Variants in HELZ observed in about 807,000 individuals in gnomAD.
HELZ encodes helicase with zinc finger, also known as ATP-dependent RNA helicase with zinc finger domain.
In HELZ, 23 loss-of-function variants were observed where a neutral mutation model predicts 218.2. The ratio of observed to expected loss-of-function variants is 0.11; its 90% CI spans 0.08 to 0.15. The LOEUF (loss-of-function observed/expected upper bound fraction) is 0.15, where lower values mean the gene tolerates loss of function less well. Ranked by LOEUF, HELZ falls within the 10% of genes least tolerant of loss-of-function variation. HELZ has a pLI of 1.00. For synonymous variants in HELZ, 814 were observed against 829.4 expected, an observed-to-expected ratio of 0.98 and a Z score of 0.32; for missense variants, 1,813 against 2,353.7, an observed-to-expected ratio of 0.77 and a Z score of 4.75.
At chr17:67,131,181 C>T (rs913408909) in intron 23 of HELZ, among the ~76,000 whole-genome samples, 5 of 152,170 alleles carry the variant, frequency 3.3e-5, no homozygotes, top group South Asian at 2.1e-4. Flanking sequence ...AGCTACTGTA[C>T]GCAGCCTCTA....
intron 12 of HELZ, among the ~76,000 whole-genome samples, chr17:67,181,854 T>A (rs2039621036): frequency 6.6e-6 from 1 of 152,212 alleles, no homozygotes; most frequent in African/African-American, 2.4e-5. Context: ...CCCTACTTCA[T>A]CTGAATTTGA....
intron 32 of HELZ, among the ~76,000 whole-genome samples, chr17:67,080,652 A>G (rs1225778954): frequency 6.6e-6 from 1 of 152,234 alleles, no homozygotes; most frequent in Non-Finnish European, 1.5e-5. Flanking sequence ...AGTTGGTTAG[A>G]GCAGCCCTTT....
intron 16 of HELZ, among the ~76,000 whole-genome samples, chr17:67,160,680 A>C (rs1032027475): frequency 1.3e-5 from 2 of 152,208 alleles, no homozygotes; most frequent in African/African-American, 4.8e-5. Flanking sequence ...CTATTTTAAA[A>C]CTTACTGTCT....
chr17:67,108,750 T>G lies in HELZ; in HGVS notation c.4490-24A>C. On this transcript the variant is annotated intron_variant, in intron 29 of 32. Coordinates refer to ENST00000358691, the MANE Select transcript of HELZ (RefSeq NM_014877.4). The surrounding 1 kb of genome is among the most constrained non-coding windows in gnomAD (Gnocchi z 4.1). ...ATCTGCAAAAATATTTGTGAAAAAT[T>G]TTTTATGAATTTGGGGTTTCAAGTT... 1.3e-6 allele frequency: 2 copies of G among 1,513,446 alleles called. No homozygotes were observed. The highest frequency in any genetic ancestry group is 1.8e-6 in the Non-Finnish European group (2 of 1,118,282). 93.8% of individuals were successfully genotyped at this position (1,513,446 alleles called of 1,614,324 possible). A position where few individuals can be genotyped will look rare whatever the true frequency, so the allele number is the denominator to read the frequency against.
chr17:67,222,407 A>G (rs867760524), intron 3 of HELZ, among the ~76,000 whole-genome samples: 9 of 152,242 alleles, frequency 5.9e-5, no homozygotes, highest in African/African-American at 2.2e-4. Flanking sequence ...CAAACATATT[A>G]GCCAGGGAGA....
chr17:67,109,010 G>C, intron 29 of HELZ, 106 bp downstream of exon 29: 1 of 954,082 alleles, frequency 1.0e-6, no homozygotes, highest in Non-Finnish European at 1.6e-6. Flanking sequence ...GGTTTTGCTA[G>C]CATTATTTGA....
chr17:67,081,082 T>C (rs2036174588), intron 32 of HELZ, among the ~76,000 whole-genome samples: 1 of 152,208 alleles, frequency 6.6e-6, no homozygotes, highest in African/African-American at 2.4e-5. Context: ...CATCTCTAGC[T>C]TGAAGATAAG....
chr17:67,178,634 T>G (rs780327332), intron 13 of HELZ, 25 bp downstream of exon 13: 9 of 1,580,874 alleles, frequency 5.7e-6, no homozygotes, highest in Admixed American at 5.5e-5. Context: ...ATTTTTTGTT[T>G]TAAAGTGTTT....
Position 67,188,613 on chromosome 17 carries a change from C to T in HELZ, c.868G>A (p.Ala290Thr). 6.2e-7 allele frequency: 1 copy of T among 1,611,676 alleles called. No homozygotes were observed. The highest frequency in any genetic ancestry group is 8.5e-7 in the Non-Finnish European group (1 of 1,178,244). ...AATGCTACACGATACAGCATTCTTG[C>T]AGGCTACAAGGAAGTTAAAATAATT... Reference protein sequence around the residue: ...TWTFALTCKPARMLYRVALLY... With the variant: ...TWTFALTCKPTRMLYRVALLY... Residue 290 changes from alanine (A) to threonine (T), a missense_variant, in exon 12 of 33, where the codon GCA becomes ACA. Ala to Thr is a moderately conservative substitution (Grantham distance 58). Transcript: ENST00000358691. The surrounding 1 kb of genome is among the most constrained non-coding windows in gnomAD (Gnocchi z 4.1).
chr17:67,131,555 CTT>C (rs533904380), intron 23 of HELZ, among the ~76,000 whole-genome samples: 3 of 145,266 alleles, frequency 2.1e-5, no homozygotes, highest in Non-Finnish European at 1.5e-5. Flanking sequence ...TAAATCTGAC[CTT>C]TTTTTTTTTT....
chr17:67,092,893 G>T (rs922484025), intron 31 of HELZ, among the ~76,000 whole-genome samples: 3 of 44,444 alleles, frequency 6.8e-5, no homozygotes, highest in South Asian at 3.4e-3. Flanking sequence ...TGAAACCGGC[G>T]GGGGGGGGAA....
chr17:67,115,104 T>C (rs1011834697), intron 27 of HELZ, among the ~76,000 whole-genome samples: 5 of 152,100 alleles, frequency 3.3e-5, no homozygotes, highest in African/African-American at 1.2e-4. Context: ...GTAAAATGAA[T>C]TATCATGCCA....
chr17:67,221,497 T>TA (rs2040743792), intron 3 of HELZ, among the ~76,000 whole-genome samples: 1 of 152,144 alleles, frequency 6.6e-6, no homozygotes, highest in Non-Finnish European at 1.5e-5. Context: ...AAAACAAAGC[T>TA]AATAATGCAC....
intron 20 of HELZ, among the ~76,000 whole-genome samples, chr17:67,147,340 A>G (rs188950599): frequency 3.3e-5 from 5 of 152,310 alleles, no homozygotes; most frequent in East Asian, 1.9e-4. Flanking sequence ...TTCCTGGCTC[A>G]TAACTACCAC....
chr17:67,151,661 A>G (rs1320950044), intron 17 of HELZ, among the ~76,000 whole-genome samples: 1 of 152,250 alleles, frequency 6.6e-6, no homozygotes, highest in Non-Finnish European at 1.5e-5. Flanking sequence ...CATACTTATA[A>G]CAGGAATTCA....
At chr17:67,235,563 A>G (rs1461877440) in intron 3 of HELZ, among the ~76,000 whole-genome samples, 1 of 152,030 alleles carries the variant, frequency 6.6e-6, no homozygotes, top group East Asian at 1.9e-4. Flanking sequence ...TCAAGCCTCA[A>G]GCAGTGTCCT....
rs761765440 is a variant in HELZ at position 67,108,658 on chromosome 17, C to T, written c.4558G>A (p.Glu1520Lys). The T allele has an allele frequency of 1.9e-6, 3 of 1,614,044 alleles. No homozygotes were observed. The highest frequency in any genetic ancestry group is 1.7e-5 in the Admixed American group (1 of 60,010). ...CCCTGACTGAGAAAGGCATGATGCT[C>T]GCTCCACTGCTGGAACCGTGCCTGC... ...QQQARFQQWS[E>K]HHAFLSQGSA... Residue 1520 changes from glutamate (E) to lysine (K), a missense_variant, in exon 30 of 33, where the codon GAG (glutamate) becomes AAG (lysine). Glu to Lys is a moderately conservative substitution (Grantham distance 56). This residue lies in a region of HELZ where 938 missense variants were observed against 1,027.5 expected (regional missense o/e 0.91). Coordinates refer to ENST00000358691, the MANE Select transcript of HELZ (RefSeq NM_014877.4). This position sits in a 1 kb window ranked among gnomAD's most constrained non-coding sequence, Gnocchi z 4.1.
chr17:67,227,906 A>C (rs141934335), intron 3 of HELZ, among the ~76,000 whole-genome samples: 141 of 152,346 alleles, frequency 9.3e-4, no homozygotes, highest in African/African-American at 3.3e-3. Context: ...AAAAGACCAA[A>C]TCCTTTGTTA....
chr17:67,215,861 G>T (rs746236786), intron 5 of HELZ, 38 bp downstream of exon 5: 6 of 1,331,356 alleles, frequency 4.5e-6, no homozygotes, highest in South Asian at 3.7e-5. Flanking sequence ...CTTAAACATT[G>T]TTCAATTCAA....
Sources: gnomAD v4.1 joint callset for allele counts (sites outside exome capture counted in the v4.1 genomes callset) on GRCh38, gnomAD v4.1.1 for gene constraint, gnomAD v4.1.1 regional missense constraint, Gnocchi (gnomAD v3.1) non-coding constraint, MANE v1.5 for transcripts, NCBI Gene and HGNC (gene_info 2026-07-23, HGNC 2026-07-21) for gene names.